MACROD2: variants seen among roughly 807,000 people sequenced by gnomAD.
The protein encoded by MACROD2 is ADP-ribose glycohydrolase MACROD2.
MACROD2 carries 36 observed loss-of-function variants against 70.4 expected under a neutral mutation model. The observed-to-expected ratio is 0.51, with a 90% confidence interval of 0.39 to 0.68. MACROD2 has a LOEUF of 0.68. Ranked by LOEUF, MACROD2 falls within the 30% of genes least tolerant of loss-of-function variation. The pLI is 0.00. For synonymous variants in MACROD2, 172 were observed against 178.8 expected (o/e 0.96, Z 0.30); for missense variants, 496 against 538.4 (o/e 0.92, Z 0.78).
intron 2 of MACROD2, among the ~76,000 whole-genome samples, chr20:14,031,575 G>A (rs1009151196): frequency 2.0e-5 from 3 of 152,004 alleles, no homozygotes; most frequent in African/African-American, 7.2e-5. Context: ...TTTATGTTGT[G>A]TGATGACATA....
In MACROD2 at chr20:14,935,293, A is replaced by G. The variant is rs117476280; in HGVS notation, c.418+250334A>G. 1.4e-4 allele frequency: 21 copies of G among 152,242 alleles called. No individual in the cohort carries two copies. The East Asian group carries it at 4.1e-3, about 29-fold the overall frequency. 9.4% of individuals were successfully genotyped at this position (152,242 alleles called of 1,614,324 possible). A position where few individuals can be genotyped will look rare whatever the true frequency, so the allele number is the denominator to read the frequency against. On this transcript the variant is annotated intron_variant, in intron 5 of 17. Coordinates refer to ENST00000684519, the MANE Select transcript of MACROD2 (RefSeq NM_001351661.2). ...TTTTGGCACATTGCTCAAGCCTGTTAAGGTCTTCTTGAATTCTGGTTCCAT... is the reference window on the plus strand; with the variant it reads ...TTTTGGCACATTGCTCAAGCCTGTTGAGGTCTTCTTGAATTCTGGTTCCAT...
At chr20:14,827,234 T>C (rs577648977) in intron 5 of MACROD2, among the ~76,000 whole-genome samples, 1 of 152,258 alleles carries the variant, frequency 6.6e-6, no homozygotes, top group South Asian at 2.1e-4. Context: ...AATGACTTAT[T>C]GAACTCTGTA....
intron 4 of MACROD2, among the ~76,000 whole-genome samples, chr20:14,510,739 C>CTATCTGAT (rs1164398183): frequency 1.3e-5 from 2 of 152,104 alleles, no homozygotes; most frequent in African/African-American, 4.8e-5. Flanking sequence ...CAAATAGCCT[C>CTATCTGAT]TATCTGATTT....
chr20:14,985,685 CTTTT>C (rs57486090), intron 5 of MACROD2, among the ~76,000 whole-genome samples: 2 of 115,346 alleles, frequency 1.7e-5, no homozygotes, highest in Admixed American at 8.7e-5. Flanking sequence ...TTCTCTTATT[CTTTT>C]TTTTTTTTTT....
intron 6 of MACROD2, among the ~76,000 whole-genome samples, chr20:15,420,838 C>A (rs2046217890): frequency 1.3e-5 from 2 of 152,092 alleles, no homozygotes; most frequent in Non-Finnish European, 2.9e-5. Flanking sequence ...GGAATCCCAG[C>A]ACTTTGGCAG....
intron 12 of MACROD2, among the ~76,000 whole-genome samples, chr20:15,953,817 T>G (rs1038295891): frequency 3.3e-5 from 5 of 152,142 alleles, no homozygotes; most frequent in African/African-American, 1.2e-4. Flanking sequence ...CAAAATCATA[T>G]TTGAAGTCGT....
chr20:15,034,367 G>T lies in MACROD2; in HGVS notation c.419-195573G>T, dbSNP rs563270955. Among the ~76,000 whole-genome samples, 93 of 152,198 alleles carry T rather than the reference G, an allele frequency of 6.1e-4. 4 individuals are homozygous for T. In the South Asian group the frequency reaches 0.018, roughly 29 times the overall value. On this transcript the variant is annotated intron_variant, in intron 5 of 17. Transcript: ENST00000684519. ...TGAGGCAAATAACTTTCTCTGCTGT[G>T]TTCCTGGAGGTGAATTTTAAGACTG...
At chr20:15,092,148 G>A (rs2075797285) in intron 5 of MACROD2, among the ~76,000 whole-genome samples, 1 of 151,880 alleles carries the variant, frequency 6.6e-6, no homozygotes, top group Non-Finnish European at 1.5e-5. Context: ...CAATGTGAAA[G>A]CTAAGCTGGT....
At chr20:15,137,357 C>T (rs1340013426) in intron 5 of MACROD2, among the ~76,000 whole-genome samples, 2 of 151,892 alleles carry the variant, frequency 1.3e-5, no homozygotes, top group African/African-American at 2.4e-5. Flanking sequence ...GGCACATATA[C>T]ACCATGGAAT....
At chr20:14,095,571 C>T (rs2054212597) in intron 3 of MACROD2, among the ~76,000 whole-genome samples, 1 of 152,114 alleles carries the variant, frequency 6.6e-6, no homozygotes, top group African/African-American at 2.4e-5. Flanking sequence ...AGCATCTTTC[C>T]TGTTGAATTC....
intron 5 of MACROD2, among the ~76,000 whole-genome samples, chr20:15,186,495 GT>G (rs1255770531): frequency 6.6e-6 from 1 of 152,094 alleles, no homozygotes; most frequent in African/African-American, 2.4e-5. Flanking sequence ...ACTGTTCACT[GT>G]ATTTCTTCCG....
At chr20:14,070,788 A>G (rs183486820) in intron 2 of MACROD2, among the ~76,000 whole-genome samples, 119 of 152,276 alleles carry the variant, frequency 7.8e-4, no homozygotes, top group Middle Eastern at 3.4e-3. Flanking sequence ...GCCAAAATAC[A>G]GGGATTTCAA....
At chr20:15,876,384 A>G (rs2064674248) in intron 9 of MACROD2, among the ~76,000 whole-genome samples, 1 of 151,742 alleles carries the variant, frequency 6.6e-6, no homozygotes, top group African/African-American at 2.4e-5. Context: ...TGTCCTTGCG[A>G]TAGTTTGCTG....
rs530259930 is a variant in MACROD2, at chr20:15,809,912, G to A, written c.646-52833G>A. On this transcript the variant is annotated intron_variant, in intron 8 of 17. Transcript: ENST00000684519. The stretch of plus-strand genomic sequence containing the variant: ...AAGTTTTAGGGTACATGTGCACAAC[G>A]TGCAGGTTTGTTACATATGTATACA... Among the ~76,000 whole-genome samples the A allele has an allele frequency of 1.3e-3, 194 of 146,262 alleles. 1 individual carries two copies. Among genetic ancestry groups the A allele is most frequent in the African/African-American group, 3.5e-3 (137 of 39,054 alleles).
intron 7 of MACROD2, among the ~76,000 whole-genome samples, chr20:15,492,893 T>C (rs544624217): frequency 6.6e-6 from 1 of 152,278 alleles, no homozygotes; most frequent in African/African-American, 2.4e-5. Context: ...TTTATAACAA[T>C]ACAGTACCAA....
rs534539809 is a variant in MACROD2 at position 14,969,397 on chromosome 20, CACACAT to C, written c.419-260541_419-260536del. The stretch of plus-strand genomic sequence containing the variant: ...ACACACACACACACACACACACACA[CACACAT>C]ATATAAGCATTTATTCAGCACAGAT... On this transcript the variant is annotated intron_variant, in intron 5 of 17. Coordinates refer to ENST00000684519, the MANE Select transcript of MACROD2 (RefSeq NM_001351661.2). Among the ~76,000 whole-genome samples the C allele has an allele frequency of 8.9e-3, 1,294 of 145,760 alleles. 9 individuals carry two copies. Among genetic ancestry groups the C allele is most frequent in the Middle Eastern group, 0.035 (10 of 288 alleles).
At chr20:14,349,189 A>G (rs970594221) in intron 3 of MACROD2, among the ~76,000 whole-genome samples, 4 of 91,696 alleles carry the variant, frequency 4.4e-5, no homozygotes, top group Non-Finnish European at 6.9e-5. Flanking sequence ...CCTATATACA[A>G]ACTTTTTTTT....
chr20:15,081,187 A>G (rs6135337), intron 5 of MACROD2, among the ~76,000 whole-genome samples: 2 of 151,860 alleles, frequency 1.3e-5, no homozygotes, highest in Non-Finnish European at 2.9e-5. Context: ...AAAATTTTGT[A>G]ATAAAAAAAT....
chr20:15,109,098 C>A (rs1218716702), intron 5 of MACROD2, among the ~76,000 whole-genome samples: 1 of 152,180 alleles, frequency 6.6e-6, no homozygotes, highest in Non-Finnish European at 1.5e-5. Context: ...CCTATGGCTT[C>A]TTTTATGCTT....
Sources: gnomAD v4.1 joint callset for allele counts (sites outside exome capture counted in the v4.1 genomes callset) on GRCh38, gnomAD v4.1.1 for gene constraint, MANE v1.5 for transcripts, NCBI Gene and HGNC (gene_info 2026-07-23, HGNC 2026-07-21) for gene names.